The following FER variants were observed in gnomAD, a reference collection of about 807,000 sequenced individuals.
The protein encoded by FER is FER tyrosine kinase.
FER carries 63 observed loss-of-function variants against 111.0 expected under a neutral mutation model. That is an observed-to-expected ratio of 0.57 (90% CI 0.46 to 0.70). The LOEUF is 0.70. FER is among the 30% of genes least tolerant of loss of function. The pLI is 0.00. For synonymous variants in FER, 327 were observed against 313.9 expected (o/e 1.04, Z -0.44); for missense variants, 914 against 954.0 (o/e 0.96, Z 0.55).
rs1421229356 is a variant in FER at position 109,194,363 on chromosome 5, T to G, written c.*6788T>G. The G allele has an allele frequency of 6.6e-6, 1 of 152,162 alleles. No homozygotes were observed. The highest frequency in any genetic ancestry group is 1.5e-5 in the Non-Finnish European group (1 of 68,026). The allele number at this position is 152,162 out of a possible 1,614,324, so 9.4% of individuals were successfully genotyped here. A position where few individuals can be genotyped will look rare whatever the true frequency, so the allele number is the denominator to read the frequency against. ...CAAAATAAGTCATTCTACCTAGAAA[T>G]ACAGACCCCAGAGCACATTGCATGA... On this transcript the variant is annotated 3_prime_UTR_variant, in exon 20 of 20. Coordinates refer to ENST00000281092, the MANE Select transcript of FER (RefSeq NM_005246.4).
intron 2 of FER, among the ~76,000 whole-genome samples, chr5:108,775,912 G>A (rs1753434759): frequency 6.6e-6 from 1 of 152,112 alleles, no homozygotes; most frequent in Non-Finnish European, 1.5e-5. Context: ...GTTTGTACTT[G>A]CATGCTTAGT....
chr5:108,943,883 G>A (rs1756612904), intron 10 of FER, among the ~76,000 whole-genome samples: 1 of 151,800 alleles, frequency 6.6e-6, no homozygotes, highest in South Asian at 2.1e-4. Context: ...AGAGGCACAC[G>A]CTACCATGTC....
At chr5:108,995,045 G>A (rs550498398) in intron 13 of FER, among the ~76,000 whole-genome samples, 20 of 152,194 alleles carry the variant, frequency 1.3e-4, no homozygotes, top group East Asian at 1.9e-4. Context: ...GTAGGATCTC[G>A]TCATCTGCAA....
At chr5:108,806,188 C>G (rs954678135) in intron 3 of FER, among the ~76,000 whole-genome samples, 9 of 152,336 alleles carry the variant, frequency 5.9e-5, no homozygotes, top group African/African-American at 2.2e-4. Flanking sequence ...AGCTCCAAGC[C>G]TTGGCAGCTT....
At chr5:109,010,383 T>C (rs1319912709) in intron 13 of FER, among the ~76,000 whole-genome samples, 1 of 152,134 alleles carries the variant, frequency 6.6e-6, no homozygotes, top group Non-Finnish European at 1.5e-5. Flanking sequence ...GGTGTCGATC[T>C]CCTGACCTCG....
At chr5:108,834,432 T>C (rs945389317) in intron 4 of FER, among the ~76,000 whole-genome samples, 2 of 152,188 alleles carry the variant, frequency 1.3e-5, no homozygotes, top group Non-Finnish European at 2.9e-5. Flanking sequence ...GTGCGGTGGC[T>C]CATGCCTGTA....
intron 13 of FER, among the ~76,000 whole-genome samples, chr5:108,992,530 G>T (rs1203905239): frequency 6.7e-6 from 1 of 149,104 alleles, no homozygotes; most frequent in Non-Finnish European, 1.5e-5. Flanking sequence ...CCTCCCGGAC[G>T]GGGCAGCTGG....
intron 13 of FER, among the ~76,000 whole-genome samples, chr5:108,996,614 G>C (rs1299868794): frequency 6.6e-6 from 1 of 152,124 alleles, no homozygotes; most frequent in Non-Finnish European, 1.5e-5. Context: ...TGTTCCGTTG[G>C]TCTGTATATC....
At chr5:109,063,515 C>A (rs1283066643) in intron 16 of FER, among the ~76,000 whole-genome samples, 1 of 152,216 alleles carries the variant, frequency 6.6e-6, no homozygotes, top group African/African-American at 2.4e-5. Context: ...CTCATACTCA[C>A]TAAAAGAGAA....
intron 16 of FER, among the ~76,000 whole-genome samples, chr5:109,090,227 C>T (rs988731304): frequency 6.6e-6 from 1 of 152,118 alleles, no homozygotes; most frequent in Non-Finnish European, 1.5e-5. Flanking sequence ...TGAGAGATTA[C>T]AAGCTCTTAA....
chr5:108,923,009 A>G (rs1753233236), intron 10 of FER, among the ~76,000 whole-genome samples: 1 of 152,120 alleles, frequency 6.6e-6, no homozygotes, highest in African/African-American at 2.4e-5. Flanking sequence ...TTGGCTATAT[A>G]ACTTTGGGCA....
chr5:109,030,091 CT>C (rs1274290702), intron 13 of FER, among the ~76,000 whole-genome samples: 1 of 152,068 alleles, frequency 6.6e-6, no homozygotes, highest in Admixed American at 6.6e-5. Context: ...CTTATCTTCA[CT>C]TTACTATTGA....
intron 10 of FER, among the ~76,000 whole-genome samples, chr5:108,916,505 G>A (rs1477192586): frequency 6.6e-6 from 1 of 152,124 alleles, no homozygotes; most frequent in Non-Finnish European, 1.5e-5. Context: ...TGGATCGGGA[G>A]GGGCCTGGAT....
At chr5:108,879,698 A>ATATATATATATATATAT (rs1371273138) in intron 8 of FER, among the ~76,000 whole-genome samples, 2 of 110,788 alleles carry the variant, frequency 1.8e-5, no homozygotes, top group African/African-American at 9.0e-5. Flanking sequence ...TAGATTAAAA[A>ATATATATATATATATAT]AAAATATATA....
At position 109,196,209 on chromosome 5, in the gene FER, G is replaced by T. The variant is rs1759736615; in HGVS notation, c.*8634G>T. ...CTAGTCTAGGGCTCTCTTAGTGAAT[G>T]GTTGTGGAAATATGATTTTTCTAAG... is the stretch of plus-strand genomic sequence containing the variant. On this transcript the variant is annotated 3_prime_UTR_variant, in exon 20 of 20. Coordinates refer to ENST00000281092, the MANE Select transcript of FER (RefSeq NM_005246.4). 6.6e-6 allele frequency: 1 copy of T among 152,142 alleles called. No individual in the cohort carries two copies. Among genetic ancestry groups the T allele is most frequent in the South Asian group, 2.1e-4 (1 of 4,828 alleles). 9.4% of individuals were successfully genotyped at this position (152,142 alleles called of 1,614,324 possible).
intron 11 of FER, among the ~76,000 whole-genome samples, chr5:108,947,540 T>A (rs1757147496): frequency 6.6e-6 from 1 of 152,070 alleles, no homozygotes; most frequent in Admixed American, 6.6e-5. Context: ...CATTTTAAAA[T>A]TGCTTATTTA....
intron 17 of FER, among the ~76,000 whole-genome samples, chr5:109,130,712 A>G (rs1752264433): frequency 6.6e-6 from 1 of 151,646 alleles, no homozygotes; most frequent in Non-Finnish European, 1.5e-5. Context: ...TCTGGTGTGT[A>G]TTTTTTACTT....
chr5:108,798,503 C>A, intron 3 of FER, 114 bp downstream of exon 3: 1 of 849,162 alleles, frequency 1.2e-6, no homozygotes, highest in Admixed American at 2.6e-5. Flanking sequence ...AGCAGTGATT[C>A]CACAGTTTTA....
chr5:109,135,306 C>A (rs1035522579), intron 17 of FER, among the ~76,000 whole-genome samples: 1 of 152,132 alleles, frequency 6.6e-6, no homozygotes, highest in Non-Finnish European at 1.5e-5. Flanking sequence ...AATTATTATT[C>A]TTCCATTTTT....
Sources: gnomAD v4.1 joint callset for allele counts (sites outside exome capture counted in the v4.1 genomes callset) on GRCh38, gnomAD v4.1.1 for gene constraint, MANE v1.5 for transcripts, NCBI Gene and HGNC (gene_info 2026-07-23, HGNC 2026-07-21) for gene names.